The following FAM227A variants were observed in gnomAD, a reference collection of about 807,000 sequenced individuals.
FAM227A encodes the protein protein FAM227A.
FAM227A carries 80 observed loss-of-function variants against 74.7 expected under a neutral mutation model. The observed-to-expected ratio is 1.07, with a 90% CI of 0.89 to 1.29. The LOEUF (loss-of-function observed/expected upper bound fraction) is 1.29, where lower values mean the gene tolerates loss of function less well. Among genes scored for constraint, FAM227A ranks in the 50% most tolerant of loss-of-function variants. FAM227A has a pLI of 0.00. For missense variants in FAM227A, 654 were observed against 683.4 expected, an observed-to-expected ratio of 0.96 and a Z score of 0.48; for synonymous variants, 237 against 241.8, an observed-to-expected ratio of 0.98 and a Z score of 0.19.
intron 8 of FAM227A, among the ~76,000 whole-genome samples, 177 bp from the exon 9 acceptor site, chr22:38,626,480 T>G (rs2145586287): frequency 1.3e-5 from 2 of 152,080 alleles, no homozygotes; most frequent in South Asian, 4.2e-4. Flanking sequence ...GAAGTGATCC[T>G]CTAATCCACT....
chr22:38,591,396 C>T (rs2090931032), intron 16 of FAM227A, 39 bp downstream of exon 16: 13 of 1,538,298 alleles, frequency 8.5e-6, no homozygotes, highest in Middle Eastern at 1.7e-4. Flanking sequence ...GGTTTTTGTT[C>T]GAACAACCCT....
intron 3 of FAM227A, 27 bp from the exon 4 acceptor site, chr22:38,639,751 A>C (rs1375602997): frequency 1.4e-6 from 2 of 1,455,676 alleles, no homozygotes; most frequent in South Asian, 2.4e-5. Flanking sequence ...AAAGGGGGGC[A>C]TTAGGGATTA....
At chr22:38,598,750 T>A (rs1235548442) in intron 14 of FAM227A, among the ~76,000 whole-genome samples, 1 of 152,118 alleles carries the variant, frequency 6.6e-6, no homozygotes, top group Non-Finnish European at 1.5e-5. Context: ...GGTACTCTTA[T>A]CCCTATTTTA....
chr22:38,590,224 G>A (rs1391877182), intron 16 of FAM227A, among the ~76,000 whole-genome samples: 1 of 145,058 alleles, frequency 6.9e-6, no homozygotes, highest in East Asian at 2.1e-4. Context: ...AAGTTGCAGT[G>A]AGCCAAGATT....
rs35393303 is a variant in FAM227A at position 38,608,793 on chromosome 22, CTT to C, written c.1039-1319_1039-1318del. Among the ~76,000 whole-genome samples, 893 of 97,014 alleles carry C rather than the reference CTT, an allele frequency of 9.2e-3. 3 individuals carry two copies. The highest frequency in any genetic ancestry group is 0.017 in the African/African-American group (345 of 20,464). The allele number at this position is 97,014 out of a possible 152,430, so 63.6% of individuals were successfully genotyped here. ...ATAAGATAAAATAAGACCCTTGTTC[CTT>C]TTTTTTTTTTTTTTTTTTTGAGATG... On this transcript the variant is annotated intron_variant, in intron 11 of 16. Coordinates refer to ENST00000535113, the MANE Select transcript of FAM227A (RefSeq NM_001013647.2).
chr22:38,655,867 C>CA (rs368396900), intron 1 of FAM227A, among the ~76,000 whole-genome samples: 2 of 152,176 alleles, frequency 1.3e-5, no homozygotes, highest in African/African-American at 4.8e-5. Context: ...CTGATACACC[C>CA]ACTAGGCAGC....
Position 38,605,336 on chromosome 22 carries a change from T to G in FAM227A, c.1139A>C (p.Gln380Pro). The G allele has an allele frequency of 1.9e-6, 3 of 1,544,442 alleles. No homozygotes were observed. Among genetic ancestry groups the G allele is most frequent in the Non-Finnish European group, 2.6e-6 (3 of 1,140,080 alleles). Residue 380 changes from glutamine (Q) to proline (P), a missense_variant, in exon 13 of 17, where the codon CAG becomes CCG. Physicochemically the swap from Gln to Pro is moderately conservative, Grantham distance 76 (BLOSUM62 -1). Transcript: ENST00000535113. The part of the protein sequence containing the change: ...MQNTAKEHHC[Q>P]TLVLKKPTQE... Reference sequence around the variant, plus strand: ...CGTAGGTTTCTTCAAGACCAGGGTCTGACAATGATGCTCTGTCAATGTGAC... The same window carrying G: ...CGTAGGTTTCTTCAAGACCAGGGTCGGACAATGATGCTCTGTCAATGTGAC...
chr22:38,610,729 T>C (rs2091395089), intron 11 of FAM227A, among the ~76,000 whole-genome samples: 1 of 151,960 alleles, frequency 6.6e-6, no homozygotes, highest in Non-Finnish European at 1.5e-5. Flanking sequence ...AACCTGAACA[T>C]GGTAGACTCC....
At chr22:38,611,024 C>T (rs2091401691) in intron 11 of FAM227A, among the ~76,000 whole-genome samples, 6 of 152,102 alleles carry the variant, frequency 3.9e-5, no homozygotes. Flanking sequence ...TGTGCCATTG[C>T]ACTCCAGCCT....
At chr22:38,630,205 T>C (rs1056255615) in intron 6 of FAM227A, among the ~76,000 whole-genome samples, 53 of 152,242 alleles carry the variant, frequency 3.5e-4, no homozygotes, top group Non-Finnish European at 5.7e-4. Context: ...CAGCCATCTC[T>C]GGGATGCAGA....
In FAM227A at chr22:38,582,537, A is replaced by C; in HGVS notation, c.*3588T>G. On this transcript the variant is annotated 3_prime_UTR_variant, in exon 17 of 17. Transcript: ENST00000535113. ...TATAAAGGGCAAATAATTCTTCCCC[A>C]TAATTTTCCCTTCTAATGTTTACAA... is the stretch of plus-strand genomic sequence containing the variant. 1 of 1,049,832 alleles carries C rather than the reference A, an allele frequency of 9.5e-7. No individual in the cohort carries two copies. Among genetic ancestry groups the C allele is most frequent in the Non-Finnish European group, 1.4e-6 (1 of 732,496 alleles). 65.0% of individuals were successfully genotyped at this position (1,049,832 alleles called of 1,614,324 possible).
At position 38,636,592 on chromosome 22, in the gene FAM227A, T is replaced by C. The variant is rs1301222860; in HGVS notation, c.378A>G (p.Thr126=). ...HARSSVIKRK[T]ADKNLLAELY... is the part of the protein sequence containing the mutation. ...GCTCTGCCAGCAGATTTTTATCTGC[T>C]GTTTTCTGAAGCAAAAGAGCAGAAT... Residue 126 remains threonine (T), a synonymous_variant, in exon 6 of 17, where the codon ACA becomes ACG. Coordinates refer to ENST00000535113, the MANE Select transcript of FAM227A (RefSeq NM_001013647.2). 1.9e-6 allele frequency: 3 copies of C among 1,551,002 alleles called. No homozygotes were observed. In the South Asian group the frequency reaches 3.6e-5, roughly 18 times the overall value.
At chr22:38,627,573 A>C (rs1336619609) in intron 8 of FAM227A, among the ~76,000 whole-genome samples, 1 of 151,902 alleles carries the variant, frequency 6.6e-6, no homozygotes, top group East Asian at 1.9e-4. Context: ...GTCTCAAAAT[A>C]AATAATAAAA....
rs143501165 is a variant in FAM227A, at chr22:38,599,047, C to T, written c.1379+717G>A. ...TCTCGGGTCACTGCAACCTCCGCCT[C>T]CTGGGTTCAAGCGATTCTCCTGCCT... On this transcript the variant is annotated intron_variant, in intron 14 of 16. Transcript: ENST00000535113. Among the ~76,000 whole-genome samples the T allele has an allele frequency of 9.6e-3, 1,452 of 151,518 alleles. 32 individuals are homozygous for T. Among genetic ancestry groups the T allele is most frequent in the African/African-American group, 0.034 (1,406 of 41,258 alleles).
intron 3 of FAM227A, among the ~76,000 whole-genome samples, chr22:38,641,948 GGTGTGTGTGT>G (rs3042708): frequency 3.4e-5 from 5 of 145,410 alleles, no homozygotes; most frequent in East Asian, 2.0e-4. Context: ...CTCCCGAAAA[GGTGTGTGTGT>G]GTGTGTGTGT....
chr22:38,630,860 A>G (rs1319795869), intron 6 of FAM227A, among the ~76,000 whole-genome samples: 1 of 152,224 alleles, frequency 6.6e-6, no homozygotes, highest in Non-Finnish European at 1.5e-5. Context: ...GTCTCGGGAC[A>G]GTGTTACGAG....
Position 38,626,865 on chromosome 22 carries a change from C to CAAAAAAAAAAAAA in FAM227A, c.727-575_727-563dup, listed in dbSNP as rs67498232. ...CCTGGGCGACAGAGAGACTCTGTCT[C>CAAAAAAAAAAAAA]AAAAAAAAAAAAAAAAAAAAAAAAA... On this transcript the variant is annotated intron_variant, in intron 8 of 16. Transcript: ENST00000535113. Among the ~76,000 whole-genome samples, 2 of 16,800 alleles carry CAAAAAAAAAAAAA rather than the reference C, an allele frequency of 1.2e-4. 1 individual carries two copies. Among genetic ancestry groups the CAAAAAAAAAAAAA allele is most frequent in the Non-Finnish European group, 1.8e-4 (2 of 11,206 alleles). 11.0% of individuals were successfully genotyped at this position (16,800 alleles called of 152,430 possible).
chr22:38,592,199 G>A (rs987928199), intron 15 of FAM227A, among the ~76,000 whole-genome samples: 4 of 151,852 alleles, frequency 2.6e-5, no homozygotes, highest in East Asian at 1.9e-4. Context: ...CGCCCACCTC[G>A]GCCTCCCCAA....
At chr22:38,586,590 A>G (rs1249303701) in intron 16 of FAM227A, among the ~76,000 whole-genome samples, 2 of 152,160 alleles carry the variant, frequency 1.3e-5, no homozygotes, top group Non-Finnish European at 2.9e-5. Context: ...TCAGAATATT[A>G]TTTGCTGGGC....
Sources: gnomAD v4.1 joint callset for allele counts (sites outside exome capture counted in the v4.1 genomes callset) on GRCh38, gnomAD v4.1.1 for gene constraint, MANE v1.5 for transcripts, NCBI Gene and HGNC (gene_info 2026-07-23, HGNC 2026-07-21) for gene names.